The following CTNND2 variants were observed in gnomAD, a reference collection of about 807,000 sequenced individuals.
CTNND2 encodes the protein catenin delta-2.
In CTNND2, 22 loss-of-function variants were observed where a neutral mutation model predicts 144.4. The ratio of observed to expected loss-of-function variants is 0.15; its 90% CI spans 0.11 to 0.22. CTNND2 has a LOEUF of 0.22. Ranked by LOEUF, CTNND2 falls within the 10% of genes least tolerant of loss-of-function variation. The pLI, the probability that CTNND2 is intolerant of heterozygous loss-of-function variation, is 1.00. For synonymous variants in CTNND2, 751 were observed against 695.6 expected (o/e 1.08, Z -1.25); for missense variants, 1,353 against 1,618.8 (o/e 0.84, Z 2.82).
chr5:11,479,310 T>A (rs557753762), intron 3 of CTNND2, among the ~76,000 whole-genome samples: 4 of 152,320 alleles, frequency 2.6e-5, no homozygotes, highest in East Asian at 1.9e-4. Context: ...CCATCCATGT[T>A]CTGGCACAGG....
At chr5:11,895,813 C>T (rs1737351106) in intron 1 of CTNND2, among the ~76,000 whole-genome samples, 1 of 151,902 alleles carries the variant, frequency 6.6e-6, no homozygotes, top group African/African-American at 2.4e-5. Context: ...AGATAATTCA[C>T]AAAAAAATTA....
intron 10 of CTNND2, among the ~76,000 whole-genome samples, chr5:11,216,016 T>C (rs1739135506): frequency 6.6e-6 from 1 of 152,208 alleles, no homozygotes; most frequent in African/African-American, 2.4e-5. Context: ...ATGGAATGGA[T>C]TGATGTGACC....
At chr5:11,306,698 C>T (rs183050690) in intron 9 of CTNND2, among the ~76,000 whole-genome samples, 4 of 152,314 alleles carry the variant, frequency 2.6e-5, no homozygotes, top group Admixed American at 6.5e-5. Flanking sequence ...CTTTTATCCA[C>T]ACATATGCAT....
At chr5:11,293,276 C>G (rs1295657813) in intron 9 of CTNND2, among the ~76,000 whole-genome samples, 2 of 152,184 alleles carry the variant, frequency 1.3e-5, no homozygotes, top group African/African-American at 4.8e-5. Context: ...CAATGTTATA[C>G]AGGTGACCCT....
intron 10 of CTNND2, among the ~76,000 whole-genome samples, chr5:11,212,309 C>T (rs1182332906): frequency 1.3e-5 from 2 of 152,164 alleles, no homozygotes; most frequent in Admixed American, 6.5e-5. Context: ...ACAAAACCAG[C>T]CTCCTTAGGA....
chr5:11,425,966 T>A (rs906601816), intron 3 of CTNND2, among the ~76,000 whole-genome samples: 1 of 152,166 alleles, frequency 6.6e-6, no homozygotes, highest in Non-Finnish European at 1.5e-5. Context: ...AGCCTCCAGG[T>A]GATGTGGGAT....
intron 1 of CTNND2, among the ~76,000 whole-genome samples, chr5:11,876,943 TGAAATTTGTAA>T (rs1735613172): frequency 6.6e-6 from 1 of 152,200 alleles, no homozygotes; most frequent in Admixed American, 6.5e-5. Context: ...TAGAGTCCCT[TGAAATTTGTAA>T]GTAAATATTA....
At chr5:11,117,647 GT>G in intron 12 of CTNND2, 80 bp from the exon 13 acceptor site, 1 of 1,114,164 alleles carries the variant, frequency 9.0e-7, no homozygotes, top group Non-Finnish European at 1.4e-6. Flanking sequence ...TGCTCTCATA[GT>G]TTGAAAGTAA....
At position 10,973,599 on chromosome 5, in the gene CTNND2, G is replaced by A. The variant is rs767371079; in HGVS notation, c.3532C>T (p.His1178Tyr). Residue 1178 changes from histidine (H) to tyrosine (Y), a missense_variant, in exon 22 of 22, where the codon CAT (histidine) becomes TAT (tyrosine). His to Tyr is a moderately conservative substitution (Grantham distance 83, BLOSUM62 2). Around this residue, in one of 4 missense-constraint regions of CTNND2, gnomAD observed 459 missense variants for 674.3 expected, o/e 0.68. Coordinates refer to ENST00000304623, the MANE Select transcript of CTNND2 (RefSeq NM_001332.4). The surrounding 1 kb of genome is among the most constrained non-coding windows in gnomAD (Gnocchi z 5.6). ...GTGTACTCGCTGGCGGGAGGGCGAT[G>A]GTGGACCTGGTCCTCGAAGAAGGAC... ...DESFFEDQVH[H>Y]RPPASEYTMH... 2 of 1,614,166 alleles carry A rather than the reference G, an allele frequency of 1.2e-6. No individual in the cohort carries two copies. The highest frequency in any genetic ancestry group is 1.7e-6 in the Non-Finnish European group (2 of 1,180,020).
At chr5:11,673,654 C>A (rs1327191757) in intron 2 of CTNND2, among the ~76,000 whole-genome samples, 4 of 152,040 alleles carry the variant, frequency 2.6e-5, no homozygotes, top group Admixed American at 6.6e-5. Context: ...AAGCCCAAAG[C>A]ACCATAAATT....
intron 1 of CTNND2, among the ~76,000 whole-genome samples, chr5:11,869,317 C>G (rs966604634): frequency 6.6e-6 from 1 of 152,178 alleles, no homozygotes; most frequent in African/African-American, 2.4e-5. Context: ...AAGGTGAAAG[C>G]AACTCGAATG....
At chr5:11,736,659 C>A (rs1787699460) in intron 1 of CTNND2, among the ~76,000 whole-genome samples, 1 of 152,050 alleles carries the variant, frequency 6.6e-6, no homozygotes, top group Non-Finnish European at 1.5e-5. Context: ...GTAATATGGC[C>A]AAATACGTCA....
chr5:11,560,653 G>A (rs970366562), intron 3 of CTNND2, among the ~76,000 whole-genome samples: 1 of 152,194 alleles, frequency 6.6e-6, no homozygotes, highest in Non-Finnish European at 1.5e-5. Context: ...CAACAGTCCA[G>A]TGAGAAGAAC....
chr5:11,644,436 A>T (rs1463255748), intron 2 of CTNND2, among the ~76,000 whole-genome samples: 1 of 152,172 alleles, frequency 6.6e-6, no homozygotes. Flanking sequence ...GCACCCTGGG[A>T]GGCCAAGACG....
chr5:11,064,732 C>T (rs538693506), intron 16 of CTNND2, among the ~76,000 whole-genome samples: 16 of 152,206 alleles, frequency 1.1e-4, no homozygotes, highest in African/African-American at 3.1e-4. Context: ...CAAAGCAAAA[C>T]GGAGATATAG....
At chr5:11,124,942 C>T (rs868252874) in intron 12 of CTNND2, among the ~76,000 whole-genome samples, 5 of 152,304 alleles carry the variant, frequency 3.3e-5, no homozygotes, top group South Asian at 2.1e-4. Flanking sequence ...TGGAGCAGCA[C>T]GCTGCTCTCC....
chr5:11,255,364 C>T lies in CTNND2; in HGVS notation c.1629-18541G>A, dbSNP rs932823490. ...TCATTTCTGGAGAGCAGACTTTGCG[C>T]TGGTTTTGCACAGAGGCCGACTAGA... On this transcript the variant is annotated intron_variant, in intron 9 of 21. Coordinates refer to ENST00000304623, the MANE Select transcript of CTNND2 (RefSeq NM_001332.4). Among the ~76,000 whole-genome samples, 4 of 152,200 alleles carry T rather than the reference C, an allele frequency of 2.6e-5. No homozygotes were observed. The South Asian group carries it at 6.2e-4, about 24-fold the overall frequency.
In CTNND2 at chr5:11,771,192, C is replaced by CTTTTTTTTTTTTTTTTTTT. The variant is rs34686102; in HGVS notation, c.38-38921_38-38920insAAAAAAAAAAAAAAAAAAA. On this transcript the variant is annotated intron_variant, in intron 1 of 21. Transcript: ENST00000304623. ...CTCTATCATGAACCCACATTGTTAG[C>CTTTTTTTTTTTTTTTTTTT]TTTTTTTTTTTTTTTTTGGGATGGA... 1.9e-5 allele frequency among the ~76,000 whole-genome samples: 2 copies of CTTTTTTTTTTTTTTTTTTT among 103,764 alleles called. 1 individual carries two copies. Among genetic ancestry groups the CTTTTTTTTTTTTTTTTTTT allele is most frequent in the Non-Finnish European group, 3.6e-5 (2 of 56,212 alleles). The allele number at this position is 103,764 out of a possible 152,430, so 68.1% of individuals were successfully genotyped here.
At chr5:11,864,798 C>T (rs113354244) in intron 1 of CTNND2, among the ~76,000 whole-genome samples, 2 of 151,152 alleles carry the variant, frequency 1.3e-5, no homozygotes, top group Admixed American at 1.3e-4. Context: ...CCTCAGGTGG[C>T]AAAACTGTCT....
Sources: allele counts gnomAD v4.1 joint callset (sites outside exome capture counted in the v4.1 genomes callset), GRCh38; gene constraint gnomAD v4.1.1; regional missense constraint gnomAD v4.1.1; non-coding constraint Gnocchi (gnomAD v3.1); transcripts MANE v1.5; gene names NCBI Gene and HGNC (gene_info 2026-07-23, HGNC 2026-07-21).